Variants in GFRA3 observed in about 807,000 individuals in gnomAD.
GFRA3 encodes GDNF family receptor alpha-3.
A neutral mutation model predicts 40.0 loss-of-function variants in GFRA3; 24 were observed. The ratio of observed to expected loss-of-function variants is 0.60; its 90% CI spans 0.43 to 0.84. The LOEUF (loss-of-function observed/expected upper bound fraction) is 0.84. GFRA3 is among the 40% of genes least tolerant of loss of function. The pLI, the probability that GFRA3 is intolerant of heterozygous loss-of-function variation, is 0.00. For synonymous variants in GFRA3, 203 were observed against 213.5 expected (o/e 0.95, Z 0.43); for missense variants, 405 against 530.6 (o/e 0.76, Z 2.33).
At chr5:138,253,232 G>T in intron 7 of GFRA3, 55 bp downstream of exon 7, 1 of 1,239,232 alleles carries the variant, frequency 8.1e-7, no homozygotes, top group Non-Finnish European at 1.2e-6. Flanking sequence ...CCTAGTTTGG[G>T]TTTTCCCCAG....
intron 1 of GFRA3, among the ~76,000 whole-genome samples, chr5:138,272,599 C>T (rs193043282): frequency 1.3e-5 from 2 of 151,636 alleles, no homozygotes; most frequent in East Asian, 3.9e-4. Flanking sequence ...ACTGGAATCA[C>T]ACCACTGAAC....
intron 4 of GFRA3, among the ~76,000 whole-genome samples, chr5:138,256,230 TA>T (rs35302809): frequency 0.012 from 1,267 of 106,338 alleles, 10 homozygotes; most frequent in Middle Eastern, 0.032. Flanking sequence ...GACTCCGTCT[TA>T]AAAAAAAAAA....
At chr5:138,268,818 G>A (rs1382947792) in intron 1 of GFRA3, among the ~76,000 whole-genome samples, 7 of 151,640 alleles carry the variant, frequency 4.6e-5, no homozygotes, top group South Asian at 4.2e-4. Flanking sequence ...CCAGCTACTC[G>A]GGAGGCTGAG....
chr5:138,262,895 C>T (rs535333172), intron 2 of GFRA3, among the ~76,000 whole-genome samples: 1 of 152,140 alleles, frequency 6.6e-6, no homozygotes, highest in Non-Finnish European at 1.5e-5. Context: ...ACATCCAGAC[C>T]CAATTTGGAA....
intron 4 of GFRA3, among the ~76,000 whole-genome samples, chr5:138,256,477 G>A (rs1335575478): frequency 2.4e-4 from 36 of 149,584 alleles, no homozygotes; most frequent in Admixed American, 1.5e-3. Context: ...GCAGTGAGCC[G>A]AGACTGCGCC....
intron 3 of GFRA3, 135 bp downstream of exon 3, chr5:138,259,420 GAC>G: frequency 1.5e-6 from 1 of 659,474 alleles, no homozygotes. Flanking sequence ...CTTCCAGCCT[GAC>G]ACAGTCTTCC....
intron 4 of GFRA3, among the ~76,000 whole-genome samples, chr5:138,254,985 A>G (rs1340848996): frequency 1.3e-5 from 2 of 151,066 alleles, no homozygotes; most frequent in African/African-American, 4.9e-5. Context: ...AGAGAAGGAG[A>G]AAAGAGAGAA....
At chr5:138,255,002 A>AGAAGGAAGGAAGGAGAGAGAGAG (rs1337774711) in intron 4 of GFRA3, among the ~76,000 whole-genome samples, 156 of 140,504 alleles carry the variant, frequency 1.1e-3, no homozygotes, top group African/African-American at 3.7e-3. Context: ...AGAAGAGAAG[A>AGAAGGAAGGAAGGAGAGAGAGAG]GAAGGAAGGA....
intron 3 of GFRA3, among the ~76,000 whole-genome samples, chr5:138,258,897 G>T (rs1755673476): frequency 1.3e-5 from 2 of 152,148 alleles, no homozygotes; most frequent in African/African-American, 4.8e-5. Context: ...ATTGCAACAG[G>T]TTATTTGCTG....
rs1205602300 is a variant in GFRA3 at position 138,253,758 on chromosome 5, A to C, written c.1024+8T>G. On this transcript the variant is annotated splice_region_variant and intron_variant, in intron 6 of 7. Transcript: ENST00000274721. The stretch of plus-strand genomic sequence containing the variant: ...CCCAGGGGCTGGGAGCAAGTACAGC[A>C]CACTCACTGAGGCAGGGGTTGTGGG... The C allele has an allele frequency of 6.2e-7, 1 of 1,613,352 alleles. No homozygotes were observed. Among genetic ancestry groups the C allele is most frequent in the African/African-American group, 1.3e-5 (1 of 74,882 alleles).
intron 3 of GFRA3, among the ~76,000 whole-genome samples, chr5:138,258,259 C>A (rs1159254619): frequency 7.1e-6 from 1 of 141,530 alleles, no homozygotes; most frequent in African/African-American, 2.7e-5. Context: ...CGGCTCACTG[C>A]AACCTCCGCC....
At chr5:138,272,242 G>A in intron 1 of GFRA3, among the ~76,000 whole-genome samples, 1 of 151,076 alleles carries the variant, frequency 6.6e-6, no homozygotes, top group East Asian at 2.0e-4. Flanking sequence ...TCCTGACCTC[G>A]TGATCTACCC....
chr5:138,270,205 C>CAAA lies in GFRA3; in HGVS notation c.91+4126_91+4128dup, dbSNP rs34014240. 2.6e-3 allele frequency among the ~76,000 whole-genome samples: 190 copies of CAAA among 72,446 alleles called. 3 individuals carry two copies. Among genetic ancestry groups the CAAA allele is most frequent in the Middle Eastern group, 9.4e-3 (1 of 106 alleles). 47.5% of individuals were successfully genotyped at this position (72,446 alleles called of 152,430 possible). A position where few individuals can be genotyped will look rare whatever the true frequency, so the allele number is the denominator to read the frequency against. On this transcript the variant is annotated intron_variant, in intron 1 of 7. Coordinates refer to ENST00000274721, the MANE Select transcript of GFRA3 (RefSeq NM_001496.4). ...TGAAACCCCGTCTCCACTAAAAATA[C>CAAA]AAAAAAAAAAAAAAAAAAAAAGTTA...
chr5:138,270,122 G>A (rs997514733), intron 1 of GFRA3, among the ~76,000 whole-genome samples: 18 of 150,346 alleles, frequency 1.2e-4, no homozygotes, highest in African/African-American at 4.4e-4. Flanking sequence ...AGCACTTTGA[G>A]AGGCTGAGAC....
At position 138,264,508 on chromosome 5, in the gene GFRA3, A is replaced by G; in HGVS notation, c.132T>C (p.Cys44=). The G allele has an allele frequency of 6.2e-7, 1 of 1,612,274 alleles. No homozygotes were observed. The highest frequency in any genetic ancestry group is 8.5e-7 in the Non-Finnish European group (1 of 1,178,902). The change falls in exon 2 of 8, where the codon TGT becomes TGC. Residue 44 remains cysteine (C), a synonymous_variant. Coordinates refer to ENST00000274721, the MANE Select transcript of GFRA3 (RefSeq NM_001496.4). ...LPTESRLMNS[C]LQARRKCQAD... is the part of the protein sequence containing the mutation. ...CCTGGCACTTCCTCCTGGCCTGGAGACAGCTGTTCATGAGTCGGCTTTCTG... is the reference window on the plus strand; with the variant it reads ...CCTGGCACTTCCTCCTGGCCTGGAGGCAGCTGTTCATGAGTCGGCTTTCTG...
intron 1 of GFRA3, among the ~76,000 whole-genome samples, chr5:138,272,226 T>C (rs1755887079): frequency 6.6e-6 from 1 of 151,094 alleles, no homozygotes. Context: ...CAGGATGGTC[T>C]CAATCTCCTG....
chr5:138,257,800 G>C lies in GFRA3; in HGVS notation c.624C>G (p.Ala208=). Residue 208 remains alanine, a synonymous_variant, in exon 4 of 8, where the codon GCC becomes GCG. Transcript: ENST00000274721. ...RQLLTFFEKA[A]EPHAQGLLLC... ...GTAGCAGGCCCTGCGCGTGGGGCTCGGCGGCCTTCTCGAAGAAAGTGAGCA... is the reference window on the plus strand; with the variant it reads ...GTAGCAGGCCCTGCGCGTGGGGCTCCGCGGCCTTCTCGAAGAAAGTGAGCA... The C allele has an allele frequency of 6.2e-7, 1 of 1,613,184 alleles. No homozygotes were observed.
intron 7 of GFRA3, 69 bp from the exon 8 acceptor site, chr5:138,253,126 T>C (rs1755572953): frequency 1.1e-6 from 1 of 919,162 alleles, no homozygotes. Flanking sequence ...TCAGCCTCAG[T>C]CAAGAGGTAT....
chr5:138,257,065 T>C (rs951536842), intron 4 of GFRA3, among the ~76,000 whole-genome samples: 1 of 152,120 alleles, frequency 6.6e-6, no homozygotes, highest in Admixed American at 6.6e-5. Flanking sequence ...GTAATTTAAC[T>C]CTCACCAGAA....
Sources: allele counts gnomAD v4.1 joint callset (sites outside exome capture counted in the v4.1 genomes callset), GRCh38; gene constraint gnomAD v4.1.1; transcripts MANE v1.5; gene names NCBI Gene and HGNC (gene_info 2026-07-23, HGNC 2026-07-21).